The following DDX11 variants were observed in gnomAD, a reference collection of about 807,000 sequenced individuals.
DDX11 encodes ATP-dependent DNA helicase DDX11.
A neutral mutation model predicts 125.2 loss-of-function variants in DDX11; 72 were observed. The observed-to-expected ratio is 0.58, with a 90% CI of 0.48 to 0.70. The LOEUF (loss-of-function observed/expected upper bound fraction) is 0.70. DDX11 is among the 30% of genes least tolerant of loss of function. The pLI, the probability that DDX11 is intolerant of heterozygous loss-of-function variation, is 0.00. For synonymous variants in DDX11, 347 were observed against 452.6 expected (o/e 0.77, Z 2.96); for missense variants, 883 against 1,165.0 (o/e 0.76, Z 3.52).
At chr12:31,096,473 C>G (rs1945260023) in intron 15 of DDX11, 94 bp downstream of exon 15, 18 of 1,611,532 alleles carry the variant, frequency 1.1e-5, no homozygotes, top group Non-Finnish European at 1.5e-5. Context: ...TCAGGGAACT[C>G]CAGAGTCCCC....
rs756744607 is a variant in DDX11, at chr12:31,078,305, C to T, written c.-4-85C>T. The T allele has an allele frequency of 2.5e-6, 4 of 1,610,570 alleles. No homozygotes were observed. The South Asian group carries it at 3.3e-5, about 13-fold the overall frequency. ...AGAAATTTGGTAATAAGTGTGGAGA[C>T]TGCTCTTAAATAATGCTCCAGATTT... On this transcript the variant is annotated intron_variant, in intron 1 of 26. Transcript: ENST00000542838.
intron 7 of DDX11, 67 bp downstream of exon 7, chr12:31,089,218 G>C: frequency 6.7e-7 from 1 of 1,488,508 alleles, no homozygotes; most frequent in Non-Finnish European, 9.4e-7. Flanking sequence ...TGTCCTGCTC[G>C]TCCAGGCCTT....
chr12:31,099,084 C>CTTTTTTTTTTT (rs763612105), intron 18 of DDX11, among the ~76,000 whole-genome samples: 76 of 63,704 alleles, frequency 1.2e-3, no homozygotes, highest in African/African-American at 3.6e-3. Context: ...TTCTTTCTTT[C>CTTTTTTTTTTT]TTTTTTTTTT....
intron 18 of DDX11, 82 bp from the exon 19 acceptor site, chr12:31,100,553 C>T: frequency 7.7e-7 from 1 of 1,299,032 alleles, no homozygotes; most frequent in South Asian, 1.3e-5. Context: ...TACTTGCTGT[C>T]TCTTAGCCCA....
At position 31,073,892 on chromosome 12, in the gene DDX11, G is replaced by C. The variant is rs1940315172; in HGVS notation, c.-204G>C. ...CGGCTGCCTTTCACTGAGGGGACCCGCCAGTTTCTAACTCAGTGGCGTTTG... is the reference window on the plus strand; with the variant it reads ...CGGCTGCCTTTCACTGAGGGGACCCCCCAGTTTCTAACTCAGTGGCGTTTG... On this transcript the variant is annotated 5_prime_UTR_variant, in exon 1 of 27. Coordinates refer to ENST00000542838, the MANE Select transcript of DDX11 (RefSeq NM_030653.4). The C allele has an allele frequency of 6.6e-6, 1 of 152,264 alleles. No homozygotes were observed. Among genetic ancestry groups the C allele is most frequent in the Non-Finnish European group, 1.5e-5 (1 of 68,060 alleles). The allele number at this position is 152,264 out of a possible 1,614,324, so 9.4% of individuals were successfully genotyped here.
intron 14 of DDX11, among the ~76,000 whole-genome samples, 193 bp from the exon 15 acceptor site, chr12:31,096,148 G>A (rs911470639): frequency 1.3e-5 from 2 of 152,030 alleles, no homozygotes; most frequent in African/African-American, 2.4e-5. Flanking sequence ...TGCGTTGTGG[G>A]CAGGGGCAGT....
intron 1 of DDX11, 160 bp from the exon 2 acceptor site, chr12:31,078,230 C>G: frequency 6.4e-7 from 1 of 1,552,528 alleles, no homozygotes; most frequent in African/African-American, 1.4e-5. Flanking sequence ...CTCACGTGGA[C>G]CTGCTGCGAA....
chr12:31,084,363 G>A (rs967938229), intron 3 of DDX11, among the ~76,000 whole-genome samples: 13 of 152,250 alleles, frequency 8.5e-5, no homozygotes, highest in African/African-American at 1.4e-4. Flanking sequence ...GATGGAGAGC[G>A]TGTGGCTTTG....
chr12:31,096,580 C>T, intron 15 of DDX11, 57 bp from the exon 16 acceptor site: 8 of 1,599,338 alleles, frequency 5.0e-6, no homozygotes, highest in Non-Finnish European at 6.8e-6. Flanking sequence ...ATCCACCCAG[C>T]CTCTCTCTCA....
intron 14 of DDX11, among the ~76,000 whole-genome samples, chr12:31,095,343 A>G (rs1022933938): frequency 6.6e-6 from 1 of 152,212 alleles, no homozygotes; most frequent in Non-Finnish European, 1.5e-5. Flanking sequence ...GCGGCATGCC[A>G]TGTGCTGTGC....
In DDX11 at chr12:31,089,731, C is replaced by G. The variant is rs1681230855; in HGVS notation, c.881-155C>G. Reference sequence around the variant, plus strand: ...TCTGGAGAACAGAAGTAAAACCTTACAGTGTTCCGATGAGACCACAGTAGG... The same window carrying G: ...TCTGGAGAACAGAAGTAAAACCTTAGAGTGTTCCGATGAGACCACAGTAGG... On this transcript the variant is annotated intron_variant, in intron 8 of 26. Coordinates refer to ENST00000542838, the MANE Select transcript of DDX11 (RefSeq NM_030653.4). 19 of 1,404,446 alleles carry G rather than the reference C, an allele frequency of 1.4e-5. 2 individuals carry two copies. In the South Asian group the frequency reaches 2.2e-4, roughly 17 times the overall value. The allele number at this position is 1,404,446 out of a possible 1,614,324, so 87.0% of individuals were successfully genotyped here.
chr12:31,085,122 A>C lies in DDX11; in HGVS notation c.634A>C (p.Ser212Arg), dbSNP rs1565864566. The C allele has an allele frequency of 1.9e-6, 3 of 1,561,098 alleles. No individual in the cohort carries two copies. The highest frequency in any genetic ancestry group is 2.6e-6 in the Non-Finnish European group (3 of 1,152,532). The change falls in exon 5 of 27, where the codon AGC (serine) becomes CGC (arginine). Residue 212 changes from serine (S) to arginine (R), a missense_variant. Ser to Arg is a moderately radical substitution (Grantham distance 110). Around this residue, in one of 5 missense-constraint regions of DDX11, gnomAD observed 283 missense variants for 359.6 expected, o/e 0.79. Transcript: ENST00000542838. ...YESDEEKKVA[S>R]RVDEDEDDLE... is the part of the protein sequence containing the mutation. ...GAGTGATGAGGAGAAAAAGGTGGCG[A>C]GCAGGTGAGACAGAGGCGGTAGCAC... is the stretch of plus-strand genomic sequence containing the variant.
intron 15 of DDX11, 90 bp downstream of exon 15, chr12:31,096,469 A>G: frequency 6.2e-7 from 1 of 1,610,566 alleles, no homozygotes; most frequent in South Asian, 1.1e-5. Flanking sequence ...GCCCTCAGGG[A>G]ACTCCAGAGT....
At chr12:31,098,985 TGGGTGCTA>T in intron 18 of DDX11, among the ~76,000 whole-genome samples, 2 of 151,772 alleles carry the variant, frequency 1.3e-5, no homozygotes, top group Non-Finnish European at 2.9e-5. Flanking sequence ...AGTCAAGCTG[TGGGTGCTA>T]GGGTGTTTGT....
chr12:31,088,444 G>A (rs1267575130), intron 6 of DDX11, among the ~76,000 whole-genome samples: 1 of 152,168 alleles, frequency 6.6e-6, no homozygotes, highest in Non-Finnish European at 1.5e-5. Flanking sequence ...CCTGCCCTTT[G>A]GGTCTCTCAT....
intron 5 of DDX11, chr12:31,086,076 C>T (rs779118636): frequency 2.2e-5 from 10 of 454,342 alleles, no homozygotes; most frequent in East Asian, 1.4e-4. Context: ...CCAGCTTCCC[C>T]GCTGCCCTGA....
In DDX11 at chr12:31,084,657, A is replaced by G. The variant is rs771439888; in HGVS notation, c.468A>G (p.Ala156=). 67 of 1,587,692 alleles carry G rather than the reference A, an allele frequency of 4.2e-5. No homozygotes were observed. The highest frequency in any genetic ancestry group is 5.6e-5 in the Non-Finnish European group (65 of 1,164,278). Residue 156 remains alanine (A), a synonymous_variant, in exon 4 of 27, where the codon GCA becomes GCG. Transcript: ENST00000542838. ...AGCACAGGGTGCAGCTCAAGTATGC[A>G]GCCAAGCGCCTGGTGAGCCTCATTT... ...QLQHRVQLKY[A]AKRLRQEEEE...
In DDX11 at chr12:31,103,312, C is replaced by G; in HGVS notation, c.2458-5C>G. 1 of 1,610,518 alleles carries G rather than the reference C, an allele frequency of 6.2e-7. No homozygotes were observed. Among genetic ancestry groups the G allele is most frequent in the Non-Finnish European group, 8.5e-7 (1 of 1,179,422 alleles). On this transcript the variant is annotated splice_region_variant and splice_polypyrimidine_tract_variant and intron_variant, in intron 24 of 26. Transcript: ENST00000542838. ...GTCCTGATGGGTCTTCCCCTTCACT[C>G]CCAGCCCAGAGCCCCCGGCCAGGCA...
chr12:31,096,898 T>A lies in DDX11; in HGVS notation c.1670T>A (p.Leu557Gln). 6.2e-7 allele frequency: 1 copy of A among 1,614,184 alleles called. No homozygotes were observed. The highest frequency in any genetic ancestry group is 8.5e-7 in the Non-Finnish European group (1 of 1,180,028). ...APADESQAST[L>Q]RPASPLMHIQ... ...GCAGACGAGAGTCAGGCCAGCACCC[T>A]GCGACCAGCTTCTCCACTGATGCAC... The change falls in exon 17 of 27, where the codon CTG (leucine) becomes CAG (glutamine). Residue 557 changes from leucine (L) to glutamine (Q), a missense_variant. Leu to Gln is a moderately radical substitution (Grantham distance 113). Transcript: ENST00000542838.
Sources: allele counts gnomAD v4.1 joint callset (sites outside exome capture counted in the v4.1 genomes callset), GRCh38; gene constraint gnomAD v4.1.1; regional missense constraint gnomAD v4.1.1; transcripts MANE v1.5; gene names NCBI Gene and HGNC (gene_info 2026-07-23, HGNC 2026-07-21).